ADGRL1: variants seen among roughly 807,000 people sequenced by gnomAD.
ADGRL1 encodes the protein adhesion G protein-coupled receptor L1.
ADGRL1 carries 31 observed loss-of-function variants against 148.9 expected under a neutral mutation model. That is an observed-to-expected ratio of 0.21 (90% CI 0.16 to 0.28). The LOEUF (loss-of-function observed/expected upper bound fraction) is 0.28. ADGRL1 is among the 10% of genes least tolerant of loss of function. The pLI is 1.00. For missense variants in ADGRL1, 1,521 were observed against 2,058.8 expected, an observed-to-expected ratio of 0.74 and a Z score of 5.05; for synonymous variants, 937 against 900.3, an observed-to-expected ratio of 1.04 and a Z score of -0.73.
rs529201409 is a variant in ADGRL1 at position 14,151,308 on chromosome 19, C to G, written c.3975G>C (p.Arg1325=). 1 of 1,602,246 alleles carries G rather than the reference C, an allele frequency of 6.2e-7. No homozygotes were observed. Among genetic ancestry groups the G allele is most frequent in the East Asian group, 2.3e-5 (1 of 44,082 alleles). The stretch of plus-strand genomic sequence containing the variant: ...CCTTATAGAGAAGTTCAATCTCGGC[C>G]CGGTCAGCACCCCCGGGCCCGCCCG... The part of the protein sequence containing the change: ...EEAGGPGGAD[R]AEIELLYKAL... Residue 1325 remains arginine, a synonymous_variant, in exon 23 of 23, where the codon CGG becomes CGC. Transcript: ENST00000361434.
At chr19:14,165,137 A>G (rs1969831458) in intron 4 of ADGRL1, among the ~76,000 whole-genome samples, 1 of 152,148 alleles carries the variant, frequency 6.6e-6, no homozygotes, top group South Asian at 2.1e-4. Context: ...CTCCCTTCAC[A>G]GCATGGGAAC....
chr19:14,170,517 T>C, intron 4 of ADGRL1, 165 bp downstream of exon 4: 1 of 562,584 alleles, frequency 1.8e-6, no homozygotes, highest in Non-Finnish European at 3.2e-6. Flanking sequence ...GTGTGGACAC[T>C]GGTGTCTGGG....
Position 14,170,704 on chromosome 19 carries a change from C to G in ADGRL1, c.372G>C (p.Val124=). The change falls in exon 4 of 23, where the codon GTG becomes GTC. Residue 124 remains valine, a synonymous_variant. Coordinates refer to ENST00000361434, the MANE Select transcript of ADGRL1 (RefSeq NM_014921.5). The part of the protein sequence containing the change: ...PCPGTYKYLE[V]QYDCVPYIFV... ...CACTGTAGGGGACACAGTCGTACTG[C>G]ACCTCCAGGTACTTGTAGGTCCCAG... is the stretch of plus-strand genomic sequence containing the variant. The G allele has an allele frequency of 6.2e-7, 1 of 1,611,634 alleles. No homozygotes were observed. Among genetic ancestry groups the G allele is most frequent in the Non-Finnish European group, 8.5e-7 (1 of 1,177,956 alleles).
chr19:14,167,189 G>A (rs1038925398), intron 4 of ADGRL1, among the ~76,000 whole-genome samples: 2 of 151,930 alleles, frequency 1.3e-5, no homozygotes, highest in Non-Finnish European at 2.9e-5. Flanking sequence ...AACCCCTTCC[G>A]TAGCATCAGC....
At chr19:14,196,670 T>C (rs1256437773) in intron 1 of ADGRL1, among the ~76,000 whole-genome samples, 2 of 152,150 alleles carry the variant, frequency 1.3e-5, no homozygotes, top group Non-Finnish European at 2.9e-5. Context: ...CAGGCACTGT[T>C]CTGCCTTAGG....
At chr19:14,182,662 G>C (rs1004019904) in intron 2 of ADGRL1, among the ~76,000 whole-genome samples, 5 of 152,224 alleles carry the variant, frequency 3.3e-5, no homozygotes, top group African/African-American at 1.2e-4. Flanking sequence ...GGGAGGGCCG[G>C]GGGTGGAAGG....
chr19:14,156,001 G>A, intron 17 of ADGRL1, 109 bp downstream of exon 17: 1 of 787,196 alleles, frequency 1.3e-6, no homozygotes, highest in Non-Finnish European at 2.2e-6. Context: ...ATTGCAATGT[G>A]TGTCACCAGA....
intron 4 of ADGRL1, among the ~76,000 whole-genome samples, chr19:14,167,269 G>A (rs1351287858): frequency 1.3e-5 from 2 of 152,048 alleles, no homozygotes; most frequent in Non-Finnish European, 2.9e-5. Context: ...TGGGGAGACA[G>A]TCAGAGGGAC....
intron 1 of ADGRL1, among the ~76,000 whole-genome samples, chr19:14,198,888 G>A (rs544750055): frequency 2.0e-5 from 3 of 152,294 alleles, no homozygotes; most frequent in Non-Finnish European, 2.9e-5. Flanking sequence ...CCACACCACA[G>A]TGGCCTGTGG....
At chr19:14,181,385 C>T (rs1432231726) in intron 2 of ADGRL1, among the ~76,000 whole-genome samples, 1 of 152,208 alleles carries the variant, frequency 6.6e-6, no homozygotes, top group Non-Finnish European at 1.5e-5. Context: ...CAGGAGCCTG[C>T]AGGGCTATGT....
At chr19:14,172,512 G>A (rs1970544779) in intron 3 of ADGRL1, among the ~76,000 whole-genome samples, 1 of 152,048 alleles carries the variant, frequency 6.6e-6, no homozygotes, top group Non-Finnish European at 1.5e-5. Context: ...GGCCGTGGTG[G>A]ATGGATCACT....
chr19:14,159,346 AC>A lies in ADGRL1; in HGVS notation c.2023+54del. ...GCCCCCCTGTGGCCTCCAGGCCAGA[AC>A]CCCGTGGTTTAAGGTTCGTATCTGA... On this transcript the variant is annotated intron_variant, in intron 10 of 22. Coordinates refer to ENST00000361434, the MANE Select transcript of ADGRL1 (RefSeq NM_014921.5). The surrounding 1 kb of genome is among the most constrained non-coding windows in gnomAD (Gnocchi z 6.0). The A allele has an allele frequency of 6.4e-7, 1 of 1,574,472 alleles. No homozygotes were observed. The highest frequency in any genetic ancestry group is 8.6e-7 in the Non-Finnish European group (1 of 1,156,318).
intron 22 of ADGRL1, among the ~76,000 whole-genome samples, 185 bp from the exon 23 acceptor site, chr19:14,151,800 G>A (rs1354131402): frequency 6.6e-6 from 1 of 152,148 alleles, no homozygotes; most frequent in Non-Finnish European, 1.5e-5. Context: ...AGACACACCA[G>A]CCCAGCAGCG....
At chr19:14,181,685 A>G (rs752879518) in intron 2 of ADGRL1, among the ~76,000 whole-genome samples, 1 of 152,166 alleles carries the variant, frequency 6.6e-6, no homozygotes, top group Non-Finnish European at 1.5e-5. Flanking sequence ...ACACCACTGC[A>G]CTCCAGCCTG....
At chr19:14,171,116 C>G (rs73509769) in intron 3 of ADGRL1, 3,160 of 237,106 alleles carry the variant, frequency 0.013, 90 homozygotes, top group African/African-American at 0.068. Context: ...CTCTTTTCCT[C>G]CTACTCCAGC....
chr19:14,152,562 A>G lies in ADGRL1; in HGVS notation c.3475T>C (p.Ser1159Pro). ...CTGTTGATGTCACCCGCCATGAAGG[A>G]GGACTCCGTCTGTTTCCTCACAGTG... ...NDTVRKQTES[S>P]FMAGDINSTP... Residue 1159 changes from serine (S) to proline (P), a missense_variant, in exon 20 of 23, where the codon TCC becomes CCC. Ser to Pro is a moderately conservative substitution (Grantham distance 74, BLOSUM62 -1). Coordinates refer to ENST00000361434, the MANE Select transcript of ADGRL1 (RefSeq NM_014921.5). The surrounding 1 kb of genome is among the most constrained non-coding windows in gnomAD (Gnocchi z 6.1). 1 of 1,614,130 alleles carries G rather than the reference A, an allele frequency of 6.2e-7. No homozygotes were observed.
chr19:14,181,931 C>T (rs555427191), intron 2 of ADGRL1, among the ~76,000 whole-genome samples: 6 of 152,278 alleles, frequency 3.9e-5, no homozygotes, highest in Non-Finnish European at 5.9e-5. Context: ...CCAAGGATTT[C>T]ACTGTGACAA....
At chr19:14,196,725 C>A (rs1054137948) in intron 1 of ADGRL1, among the ~76,000 whole-genome samples, 2 of 152,196 alleles carry the variant, frequency 1.3e-5, no homozygotes, top group African/African-American at 4.8e-5. Context: ...CCCCTCACAG[C>A]TCCTCCTGCA....
At chr19:14,203,508 A>G (rs1035384601) in intron 1 of ADGRL1, among the ~76,000 whole-genome samples, 1 of 152,084 alleles carries the variant, frequency 6.6e-6, no homozygotes, top group Admixed American at 6.5e-5. Flanking sequence ...TGCAAGCGTC[A>G]CACAGCCTCA....
Sources: gnomAD v4.1 joint callset for allele counts (sites outside exome capture counted in the v4.1 genomes callset) on GRCh38, gnomAD v4.1.1 for gene constraint, Gnocchi (gnomAD v3.1) non-coding constraint, MANE v1.5 for transcripts, NCBI Gene and HGNC (gene_info 2026-07-23, HGNC 2026-07-21) for gene names.